MON2: variants seen among roughly 807,000 people sequenced by gnomAD.
The protein encoded by MON2 is MON2 regulator of endosome-to-Golgi trafficking.
MON2 carries 84 observed loss-of-function variants against 208.6 expected under a neutral mutation model. The observed-to-expected ratio is 0.40, with a 90% CI of 0.34 to 0.48. The LOEUF (loss-of-function observed/expected upper bound fraction) is 0.48, where lower values mean the gene tolerates loss of function less well. MON2 is among the 20% of genes least tolerant of loss of function. MON2 has a pLI of 0.59. For missense variants in MON2, 1,611 were observed against 2,015.4 expected (o/e 0.80, Z 3.84); for synonymous variants, 660 against 694.0 (o/e 0.95, Z 0.77).
chr12:62,572,379 T>G (rs2074625629), intron 30 of MON2, among the ~76,000 whole-genome samples: 1 of 152,196 alleles, frequency 6.6e-6, no homozygotes, highest in Non-Finnish European at 1.5e-5. Flanking sequence ...TGGACTTGTC[T>G]GTAATAGCTG....
chr12:62,471,722 G>C (rs375973196), intron 1 of MON2, among the ~76,000 whole-genome samples: 1 of 152,222 alleles, frequency 6.6e-6, no homozygotes, highest in Non-Finnish European at 1.5e-5. Context: ...AAAGAAAAAG[G>C]CTGCTGGGCA....
At chr12:62,551,781 C>T (rs542923688) in intron 23 of MON2, among the ~76,000 whole-genome samples, 2 of 152,108 alleles carry the variant, frequency 1.3e-5, no homozygotes, top group South Asian at 4.1e-4. Context: ...GAATTGTTTT[C>T]AACATATATT....
At chr12:62,501,835 C>T in intron 7 of MON2, 137 bp downstream of exon 7, 2 of 902,152 alleles carry the variant, frequency 2.2e-6, no homozygotes, top group Non-Finnish European at 3.4e-6. Context: ...CCTGTAATTG[C>T]AACACTTTGG....
chr12:62,471,372 C>T (rs11174497), intron 1 of MON2, among the ~76,000 whole-genome samples: 56,362 of 151,898 alleles, frequency 0.37, 10,695 homozygotes, highest in African/African-American at 0.43. Flanking sequence ...TTAATAGAGA[C>T]GGGGTTTCAC....
Position 62,588,124 on chromosome 12 carries a change from T to A in MON2, c.4958T>A (p.Ile1653Asn). The change falls in exon 34 of 35, where the codon ATT becomes AAT. Residue 1653 changes from isoleucine (I) to asparagine (N), a missense_variant. Ile to Asn is a moderately radical substitution (Grantham distance 149). Coordinates refer to ENST00000393630, the MANE Select transcript of MON2 (RefSeq NM_015026.3). ...IFVLKAVSTLIDSLKKTQPEN... is the reference protein window; with the variant it reads ...IFVLKAVSTLNDSLKKTQPEN... Reference sequence around the variant, plus strand: ...GTTTTAAAAGCAGTCAGTACTCTTATTGATTCACTTAAGAAAACTCAGCCT... The same window carrying A: ...GTTTTAAAAGCAGTCAGTACTCTTAATGATTCACTTAAGAAAACTCAGCCT... The A allele has an allele frequency of 6.3e-7, 1 of 1,583,266 alleles. No homozygotes were observed. The highest frequency in any genetic ancestry group is 8.7e-7 in the Non-Finnish European group (1 of 1,155,782).
intron 19 of MON2, 91 bp downstream of exon 19, chr12:62,538,596 T>A (rs1317235826): frequency 2.3e-6 from 2 of 858,298 alleles, no homozygotes; most frequent in African/African-American, 1.7e-5. Flanking sequence ...CTAGTAGAAC[T>A]AACACTCAGA....
Position 62,592,856 on chromosome 12 carries a change from T to A in MON2, c.*107T>A, listed in dbSNP as rs915563263. 8.4e-6 allele frequency: 10 copies of A among 1,185,374 alleles called. No individual in the cohort carries two copies. The African/African-American group carries it at 1.2e-4, about 14-fold the overall frequency. 73.4% of individuals were successfully genotyped at this position (1,185,374 alleles called of 1,614,324 possible). A position where few individuals can be genotyped will look rare whatever the true frequency, so the allele number is the denominator to read the frequency against. Reference sequence around the variant, plus strand: ...CTTACTGCAGATAATTCTTGGCAGCTGTTGTTGGCCTCCTTTAAATTCTAC... The same window carrying A: ...CTTACTGCAGATAATTCTTGGCAGCAGTTGTTGGCCTCCTTTAAATTCTAC... On this transcript the variant is annotated 3_prime_UTR_variant, in exon 35 of 35. Transcript: ENST00000393630.
intron 1 of MON2, 89 bp downstream of exon 1, chr12:62,467,407 T>TTTC (rs2068570162): frequency 1.1e-5 from 12 of 1,060,038 alleles, no homozygotes; most frequent in Non-Finnish European, 1.7e-5. Flanking sequence ...CAGTCCTAAT[T>TTTC]TTCATTCAGG....
At chr12:62,508,531 C>G in intron 8 of MON2, 51 bp downstream of exon 8, 1 of 1,556,630 alleles carries the variant, frequency 6.4e-7, no homozygotes, top group Non-Finnish European at 8.9e-7. Flanking sequence ...ATGTTGTGCC[C>G]TTTGTAAAAA....
chr12:62,524,039 C>T (rs1462717700), intron 8 of MON2, among the ~76,000 whole-genome samples: 1 of 152,082 alleles, frequency 6.6e-6, no homozygotes, highest in African/African-American at 2.4e-5. Flanking sequence ...CATCTGTCAA[C>T]TGCTATAGGT....
intron 12 of MON2, among the ~76,000 whole-genome samples, chr12:62,533,095 A>G (rs1005070073): frequency 6.6e-6 from 1 of 152,124 alleles, no homozygotes; most frequent in South Asian, 2.1e-4. Flanking sequence ...TCCTTGTTTT[A>G]TATGACCTTA....
chr12:62,514,291 C>T (rs1176475471), intron 8 of MON2, among the ~76,000 whole-genome samples: 1 of 152,226 alleles, frequency 6.6e-6, no homozygotes, highest in Non-Finnish European at 1.5e-5. Flanking sequence ...TCCGAAGTCA[C>T]TTCCACATTT....
At chr12:62,547,129 AAT>A in intron 22 of MON2, 57 bp downstream of exon 22, 1 of 1,158,294 alleles carries the variant, frequency 8.6e-7, no homozygotes, top group African/African-American at 1.6e-5. Flanking sequence ...ATATAAATAA[AAT>A]AAAATTAACA....
At chr12:62,565,032 A>G (rs949079842) in intron 26 of MON2, 13 of 463,508 alleles carry the variant, frequency 2.8e-5, no homozygotes, top group African/African-American at 2.5e-4. Context: ...AAAAAAGAAC[A>G]TTTTTTAGCT....
In MON2 at chr12:62,560,899, T is replaced by C; in HGVS notation, c.3818T>C (p.Leu1273Pro). 6.2e-6 allele frequency: 10 copies of C among 1,613,990 alleles called. No homozygotes were observed. Among genetic ancestry groups the C allele is most frequent in the Non-Finnish European group, 8.5e-6 (10 of 1,179,874 alleles). ...KLTFIPSQPF[L>P]TALIQIFPAL... ...ACTTTTATTCCTAGCCAGCCTTTTC[T>C]TACAGCTTTAATTCAGATATTTCCA... Residue 1273 changes from leucine to proline, a missense_variant, in exon 26 of 35, where the codon CTT becomes CCT. Transcript: ENST00000393630.
chr12:62,505,924 A>G (rs1352416659), intron 7 of MON2, among the ~76,000 whole-genome samples: 1 of 152,014 alleles, frequency 6.6e-6, no homozygotes, highest in Non-Finnish European at 1.5e-5. Context: ...AAACAAAGAG[A>G]TCTGATAAGA....
At chr12:62,475,400 C>T (rs896465987) in intron 1 of MON2, among the ~76,000 whole-genome samples, 28 of 151,490 alleles carry the variant, frequency 1.8e-4, no homozygotes, top group African/African-American at 6.3e-4. Context: ...TCATGCCCAG[C>T]TAATTTTTGT....
rs117057040 is a variant in MON2, at chr12:62,493,698, A to C, written c.176-217A>C. 8.9e-3 allele frequency among the ~76,000 whole-genome samples: 1,355 copies of C among 152,288 alleles called. 9 individuals are homozygous for C. Among genetic ancestry groups the C allele is most frequent in the East Asian group, 0.03 (156 of 5,176 alleles). ...AAGGACAGAGTGTTAGGAGAAAAGC[A>C]TGGGAAAGCAGTAGTTAAGGCGTAT... On this transcript the variant is annotated intron_variant, in intron 2 of 34. Transcript: ENST00000393630.
chr12:62,523,217 G>A (rs1259719250), intron 8 of MON2, among the ~76,000 whole-genome samples: 1 of 152,150 alleles, frequency 6.6e-6, no homozygotes. Context: ...CTAAAGAGGT[G>A]TCATTTTGTT....
Sources: gnomAD v4.1 joint callset for allele counts (sites outside exome capture counted in the v4.1 genomes callset) on GRCh38, gnomAD v4.1.1 for gene constraint, MANE v1.5 for transcripts, NCBI Gene and HGNC (gene_info 2026-07-23, HGNC 2026-07-21) for gene names.